GRIP1: variants seen among roughly 807,000 people sequenced by gnomAD.
The protein encoded by GRIP1 is glutamate receptor-interacting protein 1.
GRIP1 carries 45 observed loss-of-function variants against 129.9 expected under a neutral mutation model. The ratio of observed to expected loss-of-function variants is 0.35; its 90% CI spans 0.27 to 0.44. The LOEUF is 0.44. Among genes scored for constraint, GRIP1 ranks in the 20% least tolerant of loss-of-function variants. The pLI is 1.00. For synonymous variants in GRIP1, 530 were observed against 520.8 expected (o/e 1.02, Z -0.24); for missense variants, 1,196 against 1,396.8 (o/e 0.86, Z 2.29).
intron 1 of GRIP1, among the ~76,000 whole-genome samples, chr12:67,066,226 A>G (rs529575437): frequency 9.2e-5 from 14 of 152,166 alleles, no homozygotes; most frequent in Non-Finnish European, 1.9e-4. Flanking sequence ...ATGAAATTAC[A>G]TAGAACAACC....
chr12:66,405,125 G>A (rs2137649260), intron 16 of GRIP1, among the ~76,000 whole-genome samples: 1 of 152,246 alleles, frequency 6.6e-6, no homozygotes, highest in South Asian at 2.1e-4. Context: ...GGTGGAGGAA[G>A]AATTCAGATT....
chr12:66,413,955 G>A lies in GRIP1; in HGVS notation c.1838+6765C>T, dbSNP rs1050185111. On this transcript the variant is annotated intron_variant, in intron 15 of 24. Coordinates refer to ENST00000359742, the MANE Select transcript of GRIP1 (RefSeq NM_001366722.1). ...TATTGAAGGAACATAACTCAAAATAGTGAAAGCCACATAGGACAAACCCAT... is the reference window on the plus strand; with the variant it reads ...TATTGAAGGAACATAACTCAAAATAATGAAAGCCACATAGGACAAACCCAT... 4.0e-5 allele frequency among the ~76,000 whole-genome samples: 6 copies of A among 151,854 alleles called. No homozygotes were observed. The South Asian group carries it at 1.2e-3, about 32-fold the overall frequency.
chr12:66,982,601 A>C (rs942733598), intron 1 of GRIP1, among the ~76,000 whole-genome samples: 2 of 152,210 alleles, frequency 1.3e-5, no homozygotes, highest in Admixed American at 1.3e-4. Context: ...ACTTTACCCA[A>C]CAGCAAGTGA....
At chr12:66,925,536 A>T (rs993675800) in intron 1 of GRIP1, among the ~76,000 whole-genome samples, 1 of 152,224 alleles carries the variant, frequency 6.6e-6, no homozygotes, top group Non-Finnish European at 1.5e-5. Context: ...AGTAAAGAAA[A>T]CAAACAAACA....
At chr12:66,384,209 T>C (rs766892294) in intron 19 of GRIP1, among the ~76,000 whole-genome samples, 24 of 152,184 alleles carry the variant, frequency 1.6e-4, no homozygotes, top group Admixed American at 2.6e-4. Flanking sequence ...TTTAAATGTC[T>C]AGACTTGGGT....
intron 1 of GRIP1, among the ~76,000 whole-genome samples, chr12:66,813,063 G>A (rs1432174194): frequency 6.6e-6 from 1 of 152,138 alleles, no homozygotes; most frequent in Non-Finnish European, 1.5e-5. Flanking sequence ...TACTATAAAG[G>A]AATACCTGAG....
At chr12:66,373,753 G>C (rs2055646838) in intron 22 of GRIP1, among the ~76,000 whole-genome samples, 1 of 152,224 alleles carries the variant, frequency 6.6e-6, no homozygotes, top group African/African-American at 2.4e-5. Context: ...AAGACTTGCT[G>C]ATCACTGAAC....
chr12:67,021,636 G>T (rs893340920), intron 1 of GRIP1, among the ~76,000 whole-genome samples: 1 of 152,048 alleles, frequency 6.6e-6, no homozygotes, highest in Non-Finnish European at 1.5e-5. Context: ...ATTTTCTTGT[G>T]CAAGAAACAT....
intron 1 of GRIP1, among the ~76,000 whole-genome samples, chr12:66,914,460 T>C (rs1566076662): frequency 6.6e-6 from 1 of 152,246 alleles, no homozygotes; most frequent in Non-Finnish European, 1.5e-5. Context: ...AACTGTGATG[T>C]AGATATTACC....
intron 1 of GRIP1, among the ~76,000 whole-genome samples, chr12:66,617,618 T>G (rs555088889): frequency 1.7e-4 from 26 of 152,142 alleles, no homozygotes; most frequent in Non-Finnish European, 3.4e-4. Context: ...AGAGACTGGC[T>G]TTGATTAGAG....
intron 15 of GRIP1, among the ~76,000 whole-genome samples, 198 bp from the exon 16 acceptor site, chr12:66,406,626 G>A (rs1203560762): frequency 6.6e-6 from 1 of 152,144 alleles, no homozygotes; most frequent in Non-Finnish European, 1.5e-5. Flanking sequence ...TTAAATTGCA[G>A]AGTATTAAAA....
intron 15 of GRIP1, among the ~76,000 whole-genome samples, chr12:66,418,244 G>A (rs2057679831): frequency 6.6e-6 from 1 of 152,018 alleles, no homozygotes; most frequent in Non-Finnish European, 1.5e-5. Context: ...ACATGCAGAA[G>A]AAAAAAACTA....
chr12:66,780,293 A>T (rs1299989915), intron 1 of GRIP1, among the ~76,000 whole-genome samples: 3 of 152,194 alleles, frequency 2.0e-5, no homozygotes, highest in African/African-American at 7.2e-5. Context: ...GGAACAGGAG[A>T]ACCTCCAAAT....
chr12:66,352,594 A>C (rs1008746650), intron 24 of GRIP1, among the ~76,000 whole-genome samples: 17 of 152,162 alleles, frequency 1.1e-4, no homozygotes, highest in African/African-American at 3.9e-4. Flanking sequence ...TTAGCCACGC[A>C]TGGTGGTGTG....
At chr12:66,999,436 A>G (rs917967252) in intron 1 of GRIP1, among the ~76,000 whole-genome samples, 1 of 152,178 alleles carries the variant, frequency 6.6e-6, no homozygotes, top group Non-Finnish European at 1.5e-5. Context: ...CTATCTCCAA[A>G]GCCCATGCAC....
At chr12:67,053,521 ACT>A (rs2043381484) in intron 1 of GRIP1, among the ~76,000 whole-genome samples, 1 of 152,156 alleles carries the variant, frequency 6.6e-6, no homozygotes, top group Non-Finnish European at 1.5e-5. Flanking sequence ...ACATTCCTCT[ACT>A]GTTTTTCTGC....
upstream of GRIP1, among the ~76,000 whole-genome samples, chr12:66,680,373 G>T (rs1378428131): frequency 6.6e-6 from 1 of 152,062 alleles, no homozygotes; most frequent in South Asian, 2.1e-4. Flanking sequence ...GAGTCCAATA[G>T]AAAAATAATT....
chr12:66,800,192 C>T (rs1173277320), intron 1 of GRIP1, among the ~76,000 whole-genome samples: 2 of 152,150 alleles, frequency 1.3e-5, no homozygotes, highest in African/African-American at 4.8e-5. Context: ...AAGCCATATT[C>T]ATGTTCCTCC....
chr12:67,054,435 T>C (rs1013614437), intron 1 of GRIP1, among the ~76,000 whole-genome samples: 4 of 151,942 alleles, frequency 2.6e-5, no homozygotes, highest in South Asian at 2.1e-4. Flanking sequence ...GTAAAATATA[T>C]AGTTTGTCAT....
Sources: allele counts gnomAD v4.1 joint callset (sites outside exome capture counted in the v4.1 genomes callset), GRCh38; gene constraint gnomAD v4.1.1; transcripts MANE v1.5; gene names NCBI Gene and HGNC (gene_info 2026-07-23, HGNC 2026-07-21).